The following GRIN2B variants were observed in gnomAD, a reference collection of about 807,000 sequenced individuals.
GRIN2B encodes glutamate ionotropic receptor NMDA type subunit 2B.
A neutral mutation model predicts 114.5 loss-of-function variants in GRIN2B; 5 were observed. That is an observed-to-expected ratio of 0.04 (90% CI 0.02 to 0.09). The LOEUF (loss-of-function observed/expected upper bound fraction) is 0.09, where lower values mean the gene tolerates loss of function less well. GRIN2B is among the 10% of genes least tolerant of loss of function. The pLI is 1.00. For synonymous variants in GRIN2B, 787 were observed against 745.1 expected, an observed-to-expected ratio of 1.06 and a Z score of -0.92; for missense variants, 1,108 against 1,943.5, an observed-to-expected ratio of 0.57 and a Z score of 8.08.
At chr12:13,693,168 A>G (rs1030546486) in intron 4 of GRIN2B, among the ~76,000 whole-genome samples, 1 of 152,012 alleles carries the variant, frequency 6.6e-6, no homozygotes. Flanking sequence ...TGTTTTTGTG[A>G]CCAGAGAGAT....
At position 13,563,491 on chromosome 12, in the gene GRIN2B, G is replaced by A. The variant is rs138771137; in HGVS notation, c.3747C>T (p.Gly1249=). The A allele has an allele frequency of 1.2e-4, 189 of 1,614,152 alleles. No individual in the cohort carries two copies. In the African/African-American group the frequency reaches 2.3e-3, roughly 19 times the overall value. Residue 1249 remains glycine, a synonymous_variant, in exon 14 of 14, where the codon GGC becomes GGT. Coordinates refer to ENST00000609686, the MANE Select transcript of GRIN2B (RefSeq NM_000834.5). ...TGTCCTCACTGATGTCATACAGGTT[G>A]CCTGCTTTCTTGCAAGCCTCACACC... ...CIRCEACKKA[G]NLYDISEDNS...
chr12:13,807,052 C>T (rs180813338), intron 3 of GRIN2B, among the ~76,000 whole-genome samples: 33 of 151,858 alleles, frequency 2.2e-4, no homozygotes, highest in Admixed American at 1.4e-3. Context: ...TTTATATAAA[C>T]ATAAGGTCCA....
chr12:13,577,742 T>G (rs1157923448), intron 10 of GRIN2B, among the ~76,000 whole-genome samples: 1 of 152,258 alleles, frequency 6.6e-6, no homozygotes, highest in Admixed American at 6.5e-5. Flanking sequence ...TCCATTCATT[T>G]GGCAAATATT....
chr12:13,680,828 A>G (rs1950123736), intron 4 of GRIN2B, among the ~76,000 whole-genome samples: 1 of 152,112 alleles, frequency 6.6e-6, no homozygotes, highest in South Asian at 2.1e-4. Context: ...CCTGGACTAT[A>G]TAGATCCCTA....
At chr12:13,734,091 C>T (rs553004573) in intron 4 of GRIN2B, among the ~76,000 whole-genome samples, 44 of 152,282 alleles carry the variant, frequency 2.9e-4, no homozygotes, top group African/African-American at 9.6e-4. Flanking sequence ...TTGATGATAT[C>T]TAGGGATGAT....
intron 3 of GRIN2B, among the ~76,000 whole-genome samples, chr12:13,816,105 T>C (rs1283502984): frequency 6.6e-6 from 1 of 152,176 alleles, no homozygotes; most frequent in South Asian, 2.1e-4. Context: ...CTGGTCCACA[T>C]GTGTGAAAAA....
At chr12:13,566,337 T>C (rs1423410498) in intron 13 of GRIN2B, among the ~76,000 whole-genome samples, 2 of 152,196 alleles carry the variant, frequency 1.3e-5, no homozygotes, top group Non-Finnish European at 2.9e-5. Flanking sequence ...TCCACTTTAT[T>C]AACAAAACCA....
chr12:13,618,941 C>T (rs1378787877), intron 5 of GRIN2B, among the ~76,000 whole-genome samples: 1 of 151,748 alleles, frequency 6.6e-6, no homozygotes, highest in Non-Finnish European at 1.5e-5. Context: ...GGATATTGCA[C>T]ACTTTGATAG....
chr12:13,927,189 T>C (rs112482139), intron 2 of GRIN2B, among the ~76,000 whole-genome samples: 1 of 152,152 alleles, frequency 6.6e-6, no homozygotes, highest in South Asian at 2.1e-4. Flanking sequence ...CAAGATATGA[T>C]AGCGATACAA....
chr12:13,650,765 T>C (rs988133660), intron 5 of GRIN2B, among the ~76,000 whole-genome samples: 10 of 152,130 alleles, frequency 6.6e-5, no homozygotes, highest in Non-Finnish European at 1.3e-4. Context: ...ACAAATTGTA[T>C]GATGTATAAT....
chr12:13,556,263 C>A lies in GRIN2B; in HGVS notation c.*6520G>T, dbSNP rs973665648. On this transcript the variant is annotated 3_prime_UTR_variant, in exon 14 of 14. Coordinates refer to ENST00000609686, the MANE Select transcript of GRIN2B (RefSeq NM_000834.5). ...AATAGCATAATGGATATCTTTGACTCCTACCCTGAAACCAGAAAATATTAA... is the reference window on the plus strand; with the variant it reads ...AATAGCATAATGGATATCTTTGACTACTACCCTGAAACCAGAAAATATTAA... 1 of 152,102 alleles carries A rather than the reference C, an allele frequency of 6.6e-6. No individual in the cohort carries two copies. The highest frequency in any genetic ancestry group is 2.4e-5 in the African/African-American group (1 of 41,398). The allele number at this position is 152,102 out of a possible 1,614,324, so 9.4% of individuals were successfully genotyped here. A position where few individuals can be genotyped will look rare whatever the true frequency, so the allele number is the denominator to read the frequency against.
At chr12:13,815,947 A>C (rs1864814776) in intron 3 of GRIN2B, among the ~76,000 whole-genome samples, 3 of 152,090 alleles carry the variant, frequency 2.0e-5, no homozygotes, top group Non-Finnish European at 4.4e-5. Context: ...AGAGAACCAA[A>C]TACATGCACA....
chr12:13,755,271 C>A lies in GRIN2B; in HGVS notation c.412-1356G>T, dbSNP rs1290602326. Among the ~76,000 whole-genome samples, 3 of 152,150 alleles carry A rather than the reference C, an allele frequency of 2.0e-5. No individual in the cohort carries two copies. In the East Asian group the frequency reaches 5.8e-4, roughly 29 times the overall value. ...GAAATTGCTGAGCATTTCTTCAGCA[C>A]CCCTTATTGAAAAAAATACAGGTTG... On this transcript the variant is annotated intron_variant, in intron 3 of 13. Coordinates refer to ENST00000609686, the MANE Select transcript of GRIN2B (RefSeq NM_000834.5).
intron 3 of GRIN2B, among the ~76,000 whole-genome samples, chr12:13,803,317 T>G (rs1864548558): frequency 6.6e-6 from 1 of 152,072 alleles, no homozygotes. Context: ...ACCCCCACAT[T>G]GTTCAAGGGT....
chr12:13,602,511 G>A (rs761948550), intron 10 of GRIN2B, among the ~76,000 whole-genome samples: 7 of 152,206 alleles, frequency 4.6e-5, no homozygotes, highest in Non-Finnish European at 8.8e-5. Context: ...ATAAATTTGT[G>A]CAGTGGAAAG....
chr12:13,752,653 G>A (rs1465610238), intron 4 of GRIN2B, among the ~76,000 whole-genome samples: 1 of 152,178 alleles, frequency 6.6e-6, no homozygotes, highest in East Asian at 1.9e-4. Flanking sequence ...TATGCAAGAT[G>A]AGGGCTTGCC....
intron 4 of GRIN2B, among the ~76,000 whole-genome samples, chr12:13,749,966 G>A (rs1863453585): frequency 6.6e-6 from 1 of 152,188 alleles, no homozygotes; most frequent in African/African-American, 2.4e-5. Context: ...GGAGGTGTAT[G>A]GACAAGGGAG....
chr12:13,608,878 G>A (rs781617673), intron 9 of GRIN2B, 46 bp from the exon 10 acceptor site: 1 of 1,415,982 alleles, frequency 7.1e-7, no homozygotes, highest in Non-Finnish European at 1.0e-6. Flanking sequence ...CATTGTGGCT[G>A]GTTCTGTTGA....
intron 2 of GRIN2B, among the ~76,000 whole-genome samples, chr12:13,946,870 G>A (rs1467412883): frequency 2.6e-5 from 4 of 152,172 alleles, no homozygotes; most frequent in African/African-American, 7.2e-5. Context: ...GGTTCTTGAT[G>A]AAAGGATGCT....
Sources: gnomAD v4.1 joint callset for allele counts (sites outside exome capture counted in the v4.1 genomes callset) on GRCh38, gnomAD v4.1.1 for gene constraint, MANE v1.5 for transcripts, NCBI Gene and HGNC (gene_info 2026-07-23, HGNC 2026-07-21) for gene names.